Variants in RALGPS1 observed in about 807,000 individuals in gnomAD.
RALGPS1 encodes ras-specific guanine nucleotide-releasing factor RalGPS1.
In RALGPS1, 19 loss-of-function variants were observed where a neutral mutation model predicts 78.8. The ratio of observed to expected loss-of-function variants is 0.24; its 90% CI spans 0.17 to 0.35. The LOEUF (loss-of-function observed/expected upper bound fraction) is 0.35. Among genes scored for constraint, RALGPS1 ranks in the 10% least tolerant of loss-of-function variants. The pLI is 1.00. For synonymous variants in RALGPS1, 228 were observed against 256.3 expected, an observed-to-expected ratio of 0.89 and a Z score of 1.06; for missense variants, 454 against 688.3, an observed-to-expected ratio of 0.66 and a Z score of 3.81.
intron 8 of RALGPS1, among the ~76,000 whole-genome samples, chr9:127,080,331 A>C (rs1433447808): frequency 2.6e-5 from 4 of 152,242 alleles, no homozygotes; most frequent in Non-Finnish European, 5.9e-5. Flanking sequence ...CAAAAGTAAC[A>C]CATTGCTTGT....
In RALGPS1 at chr9:127,114,892, C is replaced by T. The variant is rs1003261615; in HGVS notation, c.610+45536C>T. ...GTGAAACTATCATCAGGACAGAAGA[C>T]AGATGAAAACATCAACATTAGCTAG... On this transcript the variant is annotated intron_variant, in intron 8 of 18. Coordinates refer to ENST00000259351, the MANE Select transcript of RALGPS1 (RefSeq NM_014636.3). Among the ~76,000 whole-genome samples, 3 of 152,202 alleles carry T rather than the reference C, an allele frequency of 2.0e-5. No homozygotes were observed. In the East Asian group the frequency reaches 5.8e-4, roughly 29 times the overall value.
rs980450215 is a variant in RALGPS1, at chr9:127,013,606, A to G, written c.217-20825A>G. Among the ~76,000 whole-genome samples, 4 of 151,776 alleles carry G rather than the reference A, an allele frequency of 2.6e-5. No homozygotes were observed. The East Asian group carries it at 7.7e-4, about 29-fold the overall frequency. On this transcript the variant is annotated intron_variant, in intron 4 of 18. Coordinates refer to ENST00000259351, the MANE Select transcript of RALGPS1 (RefSeq NM_014636.3). The stretch of plus-strand genomic sequence containing the variant: ...CACTTATCTCCCAGCGGGCATCTCT[A>G]CACCCATGTCTGCCCCATCCCACTC...
intron 8 of RALGPS1, chr9:127,108,501 C>G (rs2054479534): frequency 1.2e-6 from 2 of 1,612,820 alleles, no homozygotes; most frequent in Non-Finnish European, 1.7e-6. Context: ...CCAGAAGCAC[C>G]TCAGGCTCCT....
In RALGPS1 at chr9:127,221,467, C is replaced by A. The variant is rs1281993820; in HGVS notation, c.*2698C>A. The A allele has an allele frequency of 6.6e-6, 1 of 152,136 alleles. No individual in the cohort carries two copies. 9.4% of individuals were successfully genotyped at this position (152,136 alleles called of 1,614,324 possible). A position where few individuals can be genotyped will look rare whatever the true frequency, so the allele number is the denominator to read the frequency against. Reference sequence around the variant, plus strand: ...GCTGGTAACATTGTTGTCTCAAGAACAACTCACCTCTCTCCCTAGGACTAA... The same window carrying A: ...GCTGGTAACATTGTTGTCTCAAGAAAAACTCACCTCTCTCCCTAGGACTAA... On this transcript the variant is annotated 3_prime_UTR_variant, in exon 19 of 19. Transcript: ENST00000259351.
rs557659981 is a variant in RALGPS1, at chr9:127,190,359, A to G, written c.911-4732A>G. Among the ~76,000 whole-genome samples, 5 of 152,280 alleles carry G rather than the reference A, an allele frequency of 3.3e-5. No individual in the cohort carries two copies. In the South Asian group the frequency reaches 1.0e-3, roughly 32 times the overall value. ...TGTTTGTTTTTTGAGACAGGGTCTCAGTTGCCCAGGCTGGAGTGCAGTGGC... is the reference window on the plus strand; with the variant it reads ...TGTTTGTTTTTTGAGACAGGGTCTCGGTTGCCCAGGCTGGAGTGCAGTGGC... On this transcript the variant is annotated intron_variant, in intron 11 of 18. Coordinates refer to ENST00000259351, the MANE Select transcript of RALGPS1 (RefSeq NM_014636.3).
At position 126,990,233 on chromosome 9, in the gene RALGPS1, C is replaced by T. The variant is rs2133179656; in HGVS notation, c.216+12488C>T. 5.7e-6 allele frequency: 3 copies of T among 522,758 alleles called. No homozygotes were observed. In the Middle Eastern group the frequency reaches 1.5e-3, roughly 269 times the overall value. The allele number at this position is 522,758 out of a possible 1,614,324, so 32.4% of individuals were successfully genotyped here. A position where few individuals can be genotyped will look rare whatever the true frequency, so the allele number is the denominator to read the frequency against. Reference sequence around the variant, plus strand: ...CCCCTCTCTCAGGTCACATGCTGGGCAGTTTTCTCAGACCATCTCTCTCTG... The same window carrying T: ...CCCCTCTCTCAGGTCACATGCTGGGTAGTTTTCTCAGACCATCTCTCTCTG... On this transcript the variant is annotated intron_variant, in intron 4 of 18. Transcript: ENST00000259351.
At chr9:127,197,892 A>G (rs543590259) in intron 13 of RALGPS1, among the ~76,000 whole-genome samples, 4 of 152,022 alleles carry the variant, frequency 2.6e-5, no homozygotes, top group African/African-American at 7.2e-5. Context: ...TGGTCATGGG[A>G]CCCTCTTCCT....
At chr9:126,919,009 TGTAA>T (rs1179322781) in intron 1 of RALGPS1, among the ~76,000 whole-genome samples, 2 of 152,222 alleles carry the variant, frequency 1.3e-5, no homozygotes, top group Non-Finnish European at 2.9e-5. Flanking sequence ...GGGAATAAGT[TGTAA>T]GTGTCTTTCT....
At chr9:126,966,631 A>G (rs2039527101) in intron 3 of RALGPS1, among the ~76,000 whole-genome samples, 1 of 151,788 alleles carries the variant, frequency 6.6e-6, no homozygotes, top group African/African-American at 2.4e-5. Context: ...GGATCTATAT[A>G]GCCAAACATA....
Position 127,152,613 on chromosome 9 carries a change from G to A in RALGPS1, c.611-13456G>A, listed in dbSNP as rs531480464. Among the ~76,000 whole-genome samples, 14 of 152,340 alleles carry A rather than the reference G, an allele frequency of 9.2e-5. No individual in the cohort carries two copies. The South Asian group carries it at 1.4e-3, about 16-fold the overall frequency. ...AATTATTTTGGTTTCAAGAGAAAAG[G>A]TGTAAATCTGTTCAATTTCTGTCCT... On this transcript the variant is annotated intron_variant, in intron 8 of 18. Transcript: ENST00000259351.
chr9:127,042,537 C>T (rs1374565225), intron 5 of RALGPS1, among the ~76,000 whole-genome samples: 1 of 152,150 alleles, frequency 6.6e-6, no homozygotes, highest in African/African-American at 2.4e-5. Context: ...TAAAGAACAT[C>T]TACAAAAGTC....
chr9:127,149,233 C>T (rs1004233509), intron 8 of RALGPS1, among the ~76,000 whole-genome samples: 1 of 152,220 alleles, frequency 6.6e-6, no homozygotes, highest in Non-Finnish European at 1.5e-5. Context: ...TTGCAGAGTG[C>T]GGCAGGCCTC....
At chr9:126,960,193 TTC>T (rs2038753171) in intron 1 of RALGPS1, among the ~76,000 whole-genome samples, 4 of 37,500 alleles carry the variant, frequency 1.1e-4, no homozygotes, top group African/African-American at 5.6e-4. Context: ...CCTCCCTCCC[TTC>T]CTTCCCTCCC....
At chr9:127,138,108 G>C (rs1354144587) in intron 8 of RALGPS1, among the ~76,000 whole-genome samples, 3 of 152,222 alleles carry the variant, frequency 2.0e-5, no homozygotes. Flanking sequence ...CAGGGATGCT[G>C]TAGGCCACGG....
rs191388019 is a variant in RALGPS1 at position 127,140,591 on chromosome 9, G to A, written c.611-25478G>A. Among the ~76,000 whole-genome samples the A allele has an allele frequency of 3.6e-4, 55 of 152,350 alleles. 1 individual carries two copies. Among genetic ancestry groups the A allele is most frequent in the Admixed American group, 3.3e-3 (50 of 15,304 alleles). ...GCATGTGATTAGCTTGTACAGGTGT[G>A]TATGTTTATGTGGAGGACACACCTA... is the stretch of plus-strand genomic sequence containing the variant. On this transcript the variant is annotated intron_variant, in intron 8 of 18. Transcript: ENST00000259351.
At chr9:126,941,166 TG>T (rs57331253) in intron 1 of RALGPS1, among the ~76,000 whole-genome samples, 46 of 149,374 alleles carry the variant, frequency 3.1e-4, no homozygotes, top group African/African-American at 7.4e-4. Context: ...CGTCTAGTTG[TG>T]GGGGGGGGTT....
chr9:127,005,357 C>G (rs1411479859), intron 4 of RALGPS1, among the ~76,000 whole-genome samples: 1 of 152,206 alleles, frequency 6.6e-6, no homozygotes, highest in Non-Finnish European at 1.5e-5. Context: ...AAAGGAATGT[C>G]AAGGCTGTCT....
At chr9:126,997,002 TC>T (rs1267546864) in intron 4 of RALGPS1, among the ~76,000 whole-genome samples, 1 of 152,180 alleles carries the variant, frequency 6.6e-6, no homozygotes, top group Non-Finnish European at 1.5e-5. Flanking sequence ...CTAAAAACTC[TC>T]AATAAATTAG....
Position 127,065,094 on chromosome 9 carries a change from C to T in RALGPS1, c.484-4136C>T, listed in dbSNP as rs143683361. 7.1e-3 allele frequency among the ~76,000 whole-genome samples: 1,078 copies of T among 152,148 alleles called. 14 individuals carry two copies. Among genetic ancestry groups the T allele is most frequent in the African/African-American group, 0.025 (1,046 of 41,500 alleles). Reference sequence around the variant, plus strand: ...AGCTGGGACTACAAGTGTGCACCACCATGCCCAGCTAATTTTTTTAATTAT... The same window carrying T: ...AGCTGGGACTACAAGTGTGCACCACTATGCCCAGCTAATTTTTTTAATTAT... On this transcript the variant is annotated intron_variant, in intron 7 of 18. Transcript: ENST00000259351.
Sources: allele counts gnomAD v4.1 joint callset (sites outside exome capture counted in the v4.1 genomes callset), GRCh38; gene constraint gnomAD v4.1.1; transcripts MANE v1.5; gene names NCBI Gene and HGNC (gene_info 2026-07-23, HGNC 2026-07-21).